The following ADAMTS19 variants were observed in gnomAD, a reference collection of about 807,000 sequenced individuals.
ADAMTS19 encodes the protein ADAM metallopeptidase with thrombospondin type 1 motif 19.
A neutral mutation model predicts 153.3 loss-of-function variants in ADAMTS19; 93 were observed. The ratio of observed to expected loss-of-function variants is 0.61; its 90% confidence interval spans 0.51 to 0.72. The LOEUF (loss-of-function observed/expected upper bound fraction) is 0.72. Ranked by LOEUF, ADAMTS19 falls within the 30% of genes least tolerant of loss-of-function variation. ADAMTS19 has a pLI of 0.00. For synonymous variants in ADAMTS19, 600 were observed against 556.6 expected, an observed-to-expected ratio of 1.08 and a Z score of -1.10; for missense variants, 1,482 against 1,552.1, an observed-to-expected ratio of 0.95 and a Z score of 0.76.
intron 21 of ADAMTS19, among the ~76,000 whole-genome samples, chr5:129,731,195 G>A (rs574109018): frequency 2.6e-5 from 4 of 152,114 alleles, no homozygotes; most frequent in Admixed American, 2.0e-4. Context: ...CTGGCCTCAA[G>A]TGACTGCCGG....
At position 129,509,074 on chromosome 5, in the gene ADAMTS19, C is replaced by T; in HGVS notation, c.748-3C>T. 2 of 1,580,242 alleles carry T rather than the reference C, an allele frequency of 1.3e-6. No individual in the cohort carries two copies. The highest frequency in any genetic ancestry group is 1.2e-5 in the South Asian group (1 of 85,390). On this transcript the variant is annotated splice_polypyrimidine_tract_variant and splice_region_variant and intron_variant, in intron 2 of 22. Transcript: ENST00000274487. The stretch of plus-strand genomic sequence containing the variant: ...ACATATCTTTTTGTGTTATATATTC[C>T]AGATGGGATTTATACAGCTCAATGA...
intron 21 of ADAMTS19, among the ~76,000 whole-genome samples, chr5:129,707,464 G>A (rs1258092219): frequency 6.6e-6 from 1 of 152,104 alleles, no homozygotes; most frequent in Non-Finnish European, 1.5e-5. Flanking sequence ...CAAACAGTGT[G>A]CACAAATTAA....
chr5:129,625,758 G>A (rs1321540553), intron 10 of ADAMTS19, among the ~76,000 whole-genome samples: 1 of 151,930 alleles, frequency 6.6e-6, no homozygotes, highest in African/African-American at 2.4e-5. Context: ...TTGTCAGATG[G>A]GTAGATTGCA....
At chr5:129,579,738 A>G (rs1326426726) in intron 7 of ADAMTS19, among the ~76,000 whole-genome samples, 1 of 152,098 alleles carries the variant, frequency 6.6e-6, no homozygotes, top group Non-Finnish European at 1.5e-5. Flanking sequence ...CAAAGATGAA[A>G]TGGCTGTAGA....
At chr5:129,634,762 A>G (rs1752458333) in intron 10 of ADAMTS19, among the ~76,000 whole-genome samples, 1 of 152,154 alleles carries the variant, frequency 6.6e-6, no homozygotes, top group Non-Finnish European at 1.5e-5. Context: ...TGGATTAGAT[A>G]CTTACATGTA....
intron 6 of ADAMTS19, among the ~76,000 whole-genome samples, chr5:129,539,728 C>T (rs113095928): frequency 0.022 from 3,374 of 152,098 alleles, 133 homozygotes; most frequent in African/African-American, 0.076. Flanking sequence ...TGGTTGTAAA[C>T]ATGTGCTGTA....
chr5:129,716,608 C>A (rs7710340), intron 21 of ADAMTS19, among the ~76,000 whole-genome samples: 1,926 of 149,714 alleles, frequency 0.013, 33 homozygotes, highest in African/African-American at 0.043. Context: ...TTTCAAAATC[C>A]TCTCCCTACC....
chr5:129,595,719 G>A (rs1023967599), intron 7 of ADAMTS19, among the ~76,000 whole-genome samples: 1 of 151,932 alleles, frequency 6.6e-6, no homozygotes, highest in East Asian at 1.9e-4. Flanking sequence ...GAGGATATGG[G>A]AAATAGAGAA....
At chr5:129,606,009 A>G (rs1200897306) in intron 8 of ADAMTS19, among the ~76,000 whole-genome samples, 2 of 152,184 alleles carry the variant, frequency 1.3e-5, no homozygotes, top group African/African-American at 4.8e-5. Context: ...AAGGTCTAAT[A>G]TATATAATTA....
chr5:129,726,036 T>C (rs1053973928), intron 21 of ADAMTS19, among the ~76,000 whole-genome samples: 2 of 152,174 alleles, frequency 1.3e-5, no homozygotes, highest in Non-Finnish European at 2.9e-5. Context: ...TCAACTTTCC[T>C]TGTGTCTTGT....
chr5:129,711,912 T>C (rs1490561928), intron 21 of ADAMTS19, among the ~76,000 whole-genome samples: 2 of 152,042 alleles, frequency 1.3e-5, no homozygotes, highest in Admixed American at 1.3e-4. Flanking sequence ...AGATCGCTTT[T>C]GCAGAGGACA....
chr5:129,486,000 A>G (rs961274302), intron 2 of ADAMTS19, among the ~76,000 whole-genome samples: 2 of 152,114 alleles, frequency 1.3e-5, no homozygotes, highest in Non-Finnish European at 2.9e-5. Context: ...TACGTTGGCC[A>G]GGCTGGTGTC....
chr5:129,588,092 A>G (rs1443172484), intron 7 of ADAMTS19, among the ~76,000 whole-genome samples: 2 of 152,114 alleles, frequency 1.3e-5, no homozygotes, highest in African/African-American at 4.8e-5. Flanking sequence ...ACTATGAACT[A>G]CTCTACACTG....
At chr5:129,606,422 A>G (rs1394311049) in intron 8 of ADAMTS19, among the ~76,000 whole-genome samples, 1 of 152,180 alleles carries the variant, frequency 6.6e-6, no homozygotes, top group African/African-American at 2.4e-5. Context: ...GCCAAATTCT[A>G]TTCATTCTTC....
At chr5:129,729,672 A>G (rs963265244) in intron 21 of ADAMTS19, among the ~76,000 whole-genome samples, 1 of 152,046 alleles carries the variant, frequency 6.6e-6, no homozygotes, top group Non-Finnish European at 1.5e-5. Context: ...ATTTGCCTAT[A>G]AAATGCAACT....
At chr5:129,639,568 G>A (rs1581173942) in intron 10 of ADAMTS19, among the ~76,000 whole-genome samples, 1 of 152,248 alleles carries the variant, frequency 6.6e-6, no homozygotes, top group East Asian at 1.9e-4. Flanking sequence ...GAGAGTACCT[G>A]CCGTTTCAAA....
intron 21 of ADAMTS19, among the ~76,000 whole-genome samples, chr5:129,721,784 G>A (rs577534939): frequency 2.2e-4 from 34 of 151,990 alleles, no homozygotes; most frequent in Non-Finnish European, 4.9e-4. Flanking sequence ...CCCAGTCTGT[G>A]TTGTCGCCCT....
Position 129,725,125 on chromosome 5 carries a change from C to T in ADAMTS19, c.3313-9807C>T, listed in dbSNP as rs528436890. ...AAAAACATTACTAAGGACTCTCTGACTCTCACAAACTGCCTAAATAATTTC... is the reference window on the plus strand; with the variant it reads ...AAAAACATTACTAAGGACTCTCTGATTCTCACAAACTGCCTAAATAATTTC... On this transcript the variant is annotated intron_variant, in intron 21 of 22. Coordinates refer to ENST00000274487, the MANE Select transcript of ADAMTS19 (RefSeq NM_133638.6). 1.7e-4 allele frequency among the ~76,000 whole-genome samples: 26 copies of T among 152,272 alleles called. 1 individual carries two copies. Among genetic ancestry groups the T allele is most frequent in the South Asian group, 1.2e-3 (6 of 4,834 alleles).
intron 7 of ADAMTS19, among the ~76,000 whole-genome samples, chr5:129,552,973 A>T (rs1753181613): frequency 6.6e-6 from 1 of 152,042 alleles, no homozygotes; most frequent in African/African-American, 2.4e-5. Context: ...CCTAAGGAAA[A>T]GCGGAATTGA....
Sources: gnomAD v4.1 joint callset for allele counts (sites outside exome capture counted in the v4.1 genomes callset) on GRCh38, gnomAD v4.1.1 for gene constraint, MANE v1.5 for transcripts, NCBI Gene and HGNC (gene_info 2026-07-23, HGNC 2026-07-21) for gene names.